MYL10: variants seen among roughly 807,000 people sequenced by gnomAD.
MYL10 encodes the protein myosin light chain 10, also known as myosin regulatory light chain 10.
A neutral mutation model predicts 21.9 loss-of-function variants in MYL10; 18 were observed. The ratio of observed to expected loss-of-function variants is 0.82; its 90% CI spans 0.57 to 1.22. MYL10 has a LOEUF of 1.22. Among genes scored for constraint, MYL10 ranks in the 50% most tolerant of loss-of-function variants. MYL10 has a pLI of 0.00. For missense variants in MYL10, 225 were observed against 230.4 expected, an observed-to-expected ratio of 0.98 and a Z score of 0.15; for synonymous variants, 88 against 82.8, an observed-to-expected ratio of 1.06 and a Z score of -0.34.
Position 101,616,309 on chromosome 7 carries a change from C to T in MYL10, c.455-11G>A, listed in dbSNP as rs1796609119. On this transcript the variant is annotated splice_polypyrimidine_tract_variant and intron_variant, in intron 5 of 7. Coordinates refer to ENST00000223167, the MANE Select transcript of MYL10 (RefSeq NM_138403.5). The stretch of plus-strand genomic sequence containing the variant: ...CCTCTGGGTCCGTGCCTATAAGCAG[C>T]ACATACAGGGCAGGGAGAGAGGCAG... 6.2e-7 allele frequency: 1 copy of T among 1,610,834 alleles called. No individual in the cohort carries two copies. Among genetic ancestry groups the T allele is most frequent in the Admixed American group, 1.7e-5 (1 of 59,988 alleles).
In MYL10 at chr7:101,613,649, A is replaced by T; in HGVS notation, c.582+13T>A. The T allele has an allele frequency of 6.2e-7, 1 of 1,614,158 alleles. No homozygotes were observed. Among genetic ancestry groups the T allele is most frequent in the Non-Finnish European group, 8.5e-7 (1 of 1,180,010 alleles). On this transcript the variant is annotated intron_variant, in intron 7 of 7. Coordinates refer to ENST00000223167, the MANE Select transcript of MYL10 (RefSeq NM_138403.5). Reference sequence around the variant, plus strand: ...CAGAGAATCCGCCGTGACCCACCAGAATCCCAGTTTACCTCCTCCTCACTG... The same window carrying T: ...CAGAGAATCCGCCGTGACCCACCAGTATCCCAGTTTACCTCCTCCTCACTG...
At chr7:101,623,712 A>C (rs976586056) in intron 3 of MYL10, among the ~76,000 whole-genome samples, 4 of 151,422 alleles carry the variant, frequency 2.6e-5, no homozygotes, top group Non-Finnish European at 5.9e-5. Flanking sequence ...AAAAAAAAAA[A>C]AAAAACCTAA....
intron 5 of MYL10, among the ~76,000 whole-genome samples, chr7:101,617,747 C>A (rs1325095296): frequency 6.6e-6 from 1 of 152,072 alleles, no homozygotes; most frequent in African/African-American, 2.4e-5. Flanking sequence ...CCCCATCAGA[C>A]TGGGTCAGGG....
At chr7:101,627,100 T>C (rs1347061584) in intron 1 of MYL10, among the ~76,000 whole-genome samples, 1 of 147,998 alleles carries the variant, frequency 6.8e-6, no homozygotes, top group Non-Finnish European at 1.5e-5. Flanking sequence ...GAGACCAACC[T>C]GGACAACATG....
intron 1 of MYL10, among the ~76,000 whole-genome samples, chr7:101,625,388 G>A (rs1043006964): frequency 7.2e-5 from 11 of 152,318 alleles, no homozygotes; most frequent in South Asian, 6.2e-4. Context: ...GATTCCAGAC[G>A]GGGAGGTGGA....
chr7:101,624,136 A>C (rs1796715739), intron 2 of MYL10, 36 bp downstream of exon 2: 8 of 1,371,892 alleles, frequency 5.8e-6, no homozygotes, highest in Non-Finnish European at 7.3e-6. Flanking sequence ...GCATTCCAAG[A>C]ATCCTCATAA....
At chr7:101,616,190 A>G (rs1796607143) in intron 6 of MYL10, 30 bp downstream of exon 6, 3 of 1,603,062 alleles carry the variant, frequency 1.9e-6, no homozygotes, top group Non-Finnish European at 2.6e-6. Context: ...TATTCCCCTG[A>G]GCATTTTGGG....
At position 101,623,610 on chromosome 7, in the gene MYL10, G is replaced by A. The variant is rs544498646; in HGVS notation, c.273+310C>T. ...CTCAGGAGGCTGAGGTGGGAGGATGGCTTGAGCCCAGGAATTTGAGGCTGC... is the reference window on the plus strand; with the variant it reads ...CTCAGGAGGCTGAGGTGGGAGGATGACTTGAGCCCAGGAATTTGAGGCTGC... On this transcript the variant is annotated intron_variant, in intron 3 of 7. Transcript: ENST00000223167. 3.4e-4 allele frequency among the ~76,000 whole-genome samples: 52 copies of A among 151,068 alleles called. 1 individual carries two copies. Among genetic ancestry groups the A allele is most frequent in the Non-Finnish European group, 7.4e-5 (5 of 67,932 alleles).
intron 6 of MYL10, among the ~76,000 whole-genome samples, chr7:101,614,237 G>A (rs997230833): frequency 1.3e-5 from 2 of 152,220 alleles, no homozygotes; most frequent in Non-Finnish European, 2.9e-5. Flanking sequence ...GTTCTTAAGG[G>A]AGCTCAGTGG....
At position 101,624,262 on chromosome 7, in the gene MYL10, T is replaced by C. The variant is rs1238567647; in HGVS notation, c.81A>G (p.Ala27=). 3.7e-6 allele frequency: 6 copies of C among 1,612,238 alleles called. No individual in the cohort carries two copies. In the African/African-American group the frequency reaches 8.0e-5, roughly 22 times the overall value. The change falls in exon 2 of 8, where the codon GCA becomes GCG. Residue 27 remains alanine (A), a splice_region_variant and synonymous_variant. Transcript: ENST00000223167. ...CTGCTCTTTTCCGAGCTCTTCTCGGTGCCTGCGAGGTAGCAGACAAGGCCT... is the reference window on the plus strand; with the variant it reads ...CTGCTCTTTTCCGAGCTCTTCTCGGCGCCTGCGAGGTAGCAGACAAGGCCT... ...PRPPKVLGLQ[A]PRRARKRAEG...
intron 1 of MYL10, among the ~76,000 whole-genome samples, chr7:101,628,611 A>G (rs1034619585): frequency 6.6e-6 from 1 of 152,144 alleles, no homozygotes; most frequent in African/African-American, 2.4e-5. Flanking sequence ...AACAGAGCCC[A>G]CACCTGCCCT....
At chr7:101,619,561 C>A (rs990058679) in intron 5 of MYL10, among the ~76,000 whole-genome samples, 1 of 152,190 alleles carries the variant, frequency 6.6e-6, no homozygotes, top group African/African-American at 2.4e-5. Flanking sequence ...GTCGGATCAC[C>A]CTGTGGTGGA....
In MYL10 at chr7:101,613,381, A is replaced by G; in HGVS notation, c.*94T>C. 1.0e-6 allele frequency: 1 copy of G among 999,022 alleles called. No individual in the cohort carries two copies. The highest frequency in any genetic ancestry group is 1.6e-6 in the Non-Finnish European group (1 of 638,062). The allele number at this position is 999,022 out of a possible 1,614,324, so 61.9% of individuals were successfully genotyped here. On this transcript the variant is annotated 3_prime_UTR_variant, in exon 8 of 8. Transcript: ENST00000223167. ...TTGTCCCCAACCGTAGGACAAGGGAAGCCTTTTTCCTGCAGCCTCTGGCTG... is the reference window on the plus strand; with the variant it reads ...TTGTCCCCAACCGTAGGACAAGGGAGGCCTTTTTCCTGCAGCCTCTGGCTG...
At chr7:101,624,380 G>T in intron 1 of MYL10, 116 bp from the exon 2 acceptor site, 1 of 710,108 alleles carries the variant, frequency 1.4e-6, no homozygotes, top group Non-Finnish European at 2.4e-6. Context: ...GCCCTTCCCG[G>T]TGCCTACAGC....
At chr7:101,621,153 G>A (rs1045642157) in intron 5 of MYL10, among the ~76,000 whole-genome samples, 5 of 151,966 alleles carry the variant, frequency 3.3e-5, no homozygotes, top group African/African-American at 4.8e-5. Flanking sequence ...GAGCTCCCCC[G>A]AGGCCAGGAC....
Position 101,624,247 on chromosome 7 carries a change from C to T in MYL10, c.96G>A (p.Arg32=). The stretch of plus-strand genomic sequence containing the variant: ...AGCTGGCGGTGCCTTCTGCTCTTTT[C>T]CGAGCTCTTCTCGGTGCCTGCGAGG... ...VLGLQAPRRA[R]KRAEGTASSN... The change falls in exon 2 of 8, where the codon CGG becomes CGA. Residue 32 remains arginine (R), a synonymous_variant. Coordinates refer to ENST00000223167, the MANE Select transcript of MYL10 (RefSeq NM_138403.5). 6.2e-7 allele frequency: 1 copy of T among 1,613,692 alleles called. No homozygotes were observed. Among genetic ancestry groups the T allele is most frequent in the Non-Finnish European group, 8.5e-7 (1 of 1,179,874 alleles).
At chr7:101,619,652 G>A (rs1285315101) in intron 5 of MYL10, among the ~76,000 whole-genome samples, 2 of 152,136 alleles carry the variant, frequency 1.3e-5, no homozygotes, top group Non-Finnish European at 2.9e-5. Flanking sequence ...CACTTTGGGA[G>A]GCCGAGGAAG....
At chr7:101,615,721 G>C (rs1796601929) in intron 6 of MYL10, among the ~76,000 whole-genome samples, 1 of 131,544 alleles carries the variant, frequency 7.6e-6, no homozygotes, top group South Asian at 2.6e-4. Flanking sequence ...TTTTGAGACA[G>C]TCTCACTCTG....
intron 5 of MYL10, among the ~76,000 whole-genome samples, chr7:101,621,367 C>G (rs1327376401): frequency 6.6e-6 from 1 of 152,106 alleles, no homozygotes; most frequent in Non-Finnish European, 1.5e-5. Context: ...CCTCTGGGGG[C>G]TCCAGTGACC....
Sources: allele counts gnomAD v4.1 joint callset (sites outside exome capture counted in the v4.1 genomes callset), GRCh38; gene constraint gnomAD v4.1.1; transcripts MANE v1.5; gene names NCBI Gene and HGNC (gene_info 2026-07-23, HGNC 2026-07-21).